BAZ1A: variants seen among roughly 807,000 people sequenced by gnomAD.
BAZ1A encodes the protein bromodomain adjacent to zinc finger domain 1A.
BAZ1A carries 50 observed loss-of-function variants against 185.2 expected under a neutral mutation model. The observed-to-expected ratio is 0.27, with a 90% CI of 0.22 to 0.34. BAZ1A has a LOEUF of 0.34. BAZ1A is among the 10% of genes least tolerant of loss of function. BAZ1A has a pLI of 1.00. For synonymous variants in BAZ1A, 571 were observed against 615.6 expected (o/e 0.93, Z 1.07); for missense variants, 1,356 against 1,839.9 (o/e 0.74, Z 4.81).
intron 16 of BAZ1A, 106 bp from the exon 17 acceptor site, chr14:34,780,416 T>A: frequency 8.8e-7 from 1 of 1,140,814 alleles, no homozygotes; most frequent in Non-Finnish European, 1.2e-6. Context: ...GCTTAGGAAG[T>A]AGTGAACAAC....
chr14:34,815,883 A>T (rs1050909679), intron 4 of BAZ1A, among the ~76,000 whole-genome samples: 8 of 152,160 alleles, frequency 5.3e-5, no homozygotes, highest in African/African-American at 1.2e-4. Flanking sequence ...ATAAAAATTT[A>T]AAATGCTAAT....
chr14:34,782,576 C>G (rs1316710823), intron 16 of BAZ1A, among the ~76,000 whole-genome samples: 1 of 152,036 alleles, frequency 6.6e-6, no homozygotes, highest in Non-Finnish European at 1.5e-5. Context: ...ATATTTTCTT[C>G]TACTGCGAGT....
intron 4 of BAZ1A, among the ~76,000 whole-genome samples, chr14:34,819,227 A>G (rs1028299838): frequency 2.6e-5 from 4 of 151,366 alleles, no homozygotes; most frequent in Non-Finnish European, 4.4e-5. Flanking sequence ...CATAGGGTAT[A>G]TAGTTTGGTA....
chr14:34,817,235 C>T (rs1166361169), intron 4 of BAZ1A, among the ~76,000 whole-genome samples: 1 of 151,820 alleles, frequency 6.6e-6, no homozygotes, highest in African/African-American at 2.4e-5. Flanking sequence ...AATACACCCC[C>T]CCCCAAATAT....
chr14:34,759,171 G>GTTTTGTTTTT (rs1555336946), intron 24 of BAZ1A, among the ~76,000 whole-genome samples: 3 of 66,468 alleles, frequency 4.5e-5, no homozygotes, highest in African/African-American at 1.9e-4. Context: ...TACAGCTACA[G>GTTTTGTTTTT]TTTTTTTTTT....
intron 21 of BAZ1A, chr14:34,768,619 A>G (rs1199531568): frequency 3.3e-6 from 1 of 303,306 alleles, no homozygotes; most frequent in Non-Finnish European, 6.4e-6. Flanking sequence ...ATCACTATTC[A>G]GCCATAGAGA....
rs144399161 is a variant in BAZ1A, at chr14:34,786,472, C to T, written c.1511-251G>A. ...GACAATTTCCAAATTACCAATGAGA[C>T]GCACATAAACATTCCCCCAAAAGAT... On this transcript the variant is annotated intron_variant, in intron 12 of 26. Transcript: ENST00000360310. The T allele has an allele frequency of 6.6e-4, 241 of 367,456 alleles. 1 individual carries two copies. The highest frequency in any genetic ancestry group is 4.2e-3 in the African/African-American group (198 of 47,008). 22.8% of individuals were successfully genotyped at this position (367,456 alleles called of 1,614,324 possible).
chr14:34,832,070 T>C (rs2042249657), intron 3 of BAZ1A, among the ~76,000 whole-genome samples: 1 of 151,422 alleles, frequency 6.6e-6, no homozygotes, highest in Non-Finnish European at 1.5e-5. Flanking sequence ...GGTGTGCACT[T>C]GCAGTCCCAG....
chr14:34,777,759 A>C (rs1879743470), intron 17 of BAZ1A, among the ~76,000 whole-genome samples: 1 of 152,112 alleles, frequency 6.6e-6, no homozygotes, highest in Non-Finnish European at 1.5e-5. Flanking sequence ...TGGGAGGCCG[A>C]GGTGGCTGGA....
intron 3 of BAZ1A, among the ~76,000 whole-genome samples, chr14:34,846,149 C>T (rs976525578): frequency 3.3e-5 from 5 of 152,160 alleles, no homozygotes; most frequent in Non-Finnish European, 4.4e-5. Flanking sequence ...ACTTCACCAC[C>T]CTGCTGCTAA....
At chr14:34,802,713 G>A in intron 7 of BAZ1A, 141 bp downstream of exon 7, 1 of 833,750 alleles carries the variant, frequency 1.2e-6, no homozygotes, top group Non-Finnish European at 1.8e-6. Context: ...TCAACATATA[G>A]TACACACTTA....
intron 4 of BAZ1A, among the ~76,000 whole-genome samples, chr14:34,813,731 G>A (rs1178056152): frequency 1.3e-5 from 2 of 151,156 alleles, no homozygotes; most frequent in African/African-American, 2.4e-5. Context: ...ACGAAGCAAC[G>A]ACAAGAGTTC....
At chr14:34,835,843 G>T (rs1399065576) in intron 3 of BAZ1A, among the ~76,000 whole-genome samples, 1 of 151,288 alleles carries the variant, frequency 6.6e-6, no homozygotes. Context: ...AGCTAATTTT[G>T]TATTTTCAGT....
At chr14:34,842,539 T>A (rs2042432875) in intron 3 of BAZ1A, among the ~76,000 whole-genome samples, 1 of 152,180 alleles carries the variant, frequency 6.6e-6, no homozygotes, top group South Asian at 2.1e-4. Context: ...CTCAACAACA[T>A]AACCTGAATC....
chr14:34,763,317 C>G (rs911452740), intron 23 of BAZ1A, among the ~76,000 whole-genome samples: 4 of 151,796 alleles, frequency 2.6e-5, no homozygotes, highest in African/African-American at 7.3e-5. Flanking sequence ...TGGGGTGGCT[C>G]TATCTCAACT....
intron 2 of BAZ1A, among the ~76,000 whole-genome samples, chr14:34,865,078 T>C (rs1416945448): frequency 3.3e-5 from 5 of 152,024 alleles, no homozygotes; most frequent in Non-Finnish European, 7.4e-5. Context: ...GCCCAGCCAA[T>C]ATAATTTTTT....
intron 25 of BAZ1A, among the ~76,000 whole-genome samples, chr14:34,755,984 C>T (rs1214869931): frequency 1.4e-5 from 2 of 147,464 alleles, no homozygotes; most frequent in Non-Finnish European, 3.0e-5. Flanking sequence ...CCACACTCGG[C>T]TATTTTTTTT....
chr14:34,773,528 T>C (rs760130826), intron 20 of BAZ1A, 44 bp downstream of exon 20: 2 of 1,430,880 alleles, frequency 1.4e-6, no homozygotes, highest in East Asian at 4.9e-5. Context: ...AACCTTAAAA[T>C]GGCAAGGAAA....
At chr14:34,780,688 T>C (rs1037760182) in intron 16 of BAZ1A, among the ~76,000 whole-genome samples, 1 of 152,164 alleles carries the variant, frequency 6.6e-6, no homozygotes, top group Non-Finnish European at 1.5e-5. Flanking sequence ...GAGGAGCTTA[T>C]AATTTTGAGA....
Sources: gnomAD v4.1 joint callset for allele counts (sites outside exome capture counted in the v4.1 genomes callset) on GRCh38, gnomAD v4.1.1 for gene constraint, MANE v1.5 for transcripts, NCBI Gene and HGNC (gene_info 2026-07-23, HGNC 2026-07-21) for gene names.